Variants in CHRM5 observed in about 807,000 individuals in gnomAD.
CHRM5 encodes cholinergic receptor muscarinic 5, also known as muscarinic acetylcholine receptor M5.
CHRM5 carries 18 observed loss-of-function variants against 39.0 expected under a neutral mutation model. The ratio of observed to expected loss-of-function variants is 0.46; its 90% CI spans 0.32 to 0.68. The LOEUF (loss-of-function observed/expected upper bound fraction) is 0.68, where lower values mean the gene tolerates loss of function less well. Ranked by LOEUF, CHRM5 falls within the 30% of genes least tolerant of loss-of-function variation. The pLI is 0.04. For missense variants in CHRM5, 515 were observed against 651.1 expected (o/e 0.79, Z 2.28); for synonymous variants, 241 against 246.3 (o/e 0.98, Z 0.20).
intron 1 of CHRM5, among the ~76,000 whole-genome samples, chr15:34,018,046 T>C (rs1227523368): frequency 6.6e-6 from 1 of 152,218 alleles, no homozygotes; most frequent in Non-Finnish European, 1.5e-5. Context: ...TGATACTAAA[T>C]GGTTTATGTA....
intron 1 of CHRM5, among the ~76,000 whole-genome samples, chr15:33,974,903 T>G (rs1597295277): frequency 6.6e-6 from 1 of 151,922 alleles, no homozygotes; most frequent in South Asian, 2.1e-4. Flanking sequence ...ACCCAGGAGG[T>G]GGAGCTTGCA....
At chr15:34,038,581 A>G (rs1204848185) in intron 1 of CHRM5, among the ~76,000 whole-genome samples, 1 of 148,892 alleles carries the variant, frequency 6.7e-6, no homozygotes, top group Non-Finnish European at 1.5e-5. Context: ...GGAGGCCACG[A>G]GGGCCAAGCG....
At chr15:33,992,678 A>C (rs1896780231) in intron 1 of CHRM5, among the ~76,000 whole-genome samples, 1 of 152,040 alleles carries the variant, frequency 6.6e-6, no homozygotes, top group South Asian at 2.1e-4. Context: ...GAAAAAAATG[A>C]GCTGAATCAA....
intron 1 of CHRM5, among the ~76,000 whole-genome samples, chr15:34,019,940 T>G (rs1005462060): frequency 6.6e-6 from 1 of 152,274 alleles, no homozygotes. Context: ...GCAGTTCTTT[T>G]GTATGCAATT....
At chr15:34,031,322 A>C (rs997383358) in intron 1 of CHRM5, among the ~76,000 whole-genome samples, 10 of 151,760 alleles carry the variant, frequency 6.6e-5, no homozygotes, top group Middle Eastern at 3.4e-3. Context: ...TTACAGGCGC[A>C]TGCCACCATG....
intron 1 of CHRM5, chr15:34,039,114 G>A: frequency 9.5e-7 from 1 of 1,054,150 alleles, no homozygotes; most frequent in Non-Finnish European, 1.1e-6. Flanking sequence ...GGCCCCACCG[G>A]AAGCGGGCCG....
At chr15:33,977,394 C>T (rs189999103) in intron 1 of CHRM5, among the ~76,000 whole-genome samples, 3 of 152,166 alleles carry the variant, frequency 2.0e-5, no homozygotes, top group African/African-American at 4.8e-5. Context: ...TCATCTCCTC[C>T]TATACTCCCT....
chr15:34,021,271 TA>T (rs1898188785), intron 1 of CHRM5, among the ~76,000 whole-genome samples: 1 of 151,838 alleles, frequency 6.6e-6, no homozygotes, highest in Non-Finnish European at 1.5e-5. Context: ...CCCACTCAGC[TA>T]AAAAATATTT....
chr15:34,022,043 G>A lies in CHRM5; in HGVS notation c.-407-24497G>A, dbSNP rs114548302. 6.1e-3 allele frequency among the ~76,000 whole-genome samples: 934 copies of A among 152,172 alleles called. 4 individuals are homozygous for A. The highest frequency in any genetic ancestry group is 0.02 in the African/African-American group (810 of 41,508). On this transcript the variant is annotated intron_variant, in intron 1 of 2. Transcript: ENST00000383263. ...AAATATTTTGTAGATGGAATAAGAC[G>A]GCATTGTTTGCAATAAGGACAAGTA...
intron 1 of CHRM5, among the ~76,000 whole-genome samples, chr15:34,019,630 A>T (rs1270554779): frequency 6.6e-6 from 1 of 152,232 alleles, no homozygotes; most frequent in Non-Finnish European, 1.5e-5. Context: ...TCCTATACAC[A>T]GTAATTTTAC....
At chr15:34,055,779 C>G (rs1469177114) in intron 2 of CHRM5, among the ~76,000 whole-genome samples, 1 of 151,728 alleles carries the variant, frequency 6.6e-6, no homozygotes, top group Non-Finnish European at 1.5e-5. Context: ...CCAGCCTGGG[C>G]GACGGAGCAA....
chr15:34,045,807 G>C (rs1451329659), intron 1 of CHRM5, among the ~76,000 whole-genome samples: 2 of 152,188 alleles, frequency 1.3e-5, no homozygotes, highest in African/African-American at 4.8e-5. Flanking sequence ...TTGGTACACA[G>C]GGTTACCTTC....
chr15:33,985,009 GAACCTT>G (rs1392024675), intron 1 of CHRM5, among the ~76,000 whole-genome samples: 2 of 152,052 alleles, frequency 1.3e-5, no homozygotes, highest in Admixed American at 1.3e-4. Flanking sequence ...TTGACCAGCT[GAACCTT>G]TCCTGGGTTA....
At chr15:34,037,395 T>C (rs1597377831) in intron 1 of CHRM5, among the ~76,000 whole-genome samples, 1 of 151,718 alleles carries the variant, frequency 6.6e-6, no homozygotes, top group African/African-American at 2.4e-5. Context: ...TTGATATAAA[T>C]CCCAGCTCTG....
intron 1 of CHRM5, among the ~76,000 whole-genome samples, chr15:34,022,804 G>A (rs562348925): frequency 6.6e-6 from 1 of 152,322 alleles, no homozygotes; most frequent in African/African-American, 2.4e-5. Flanking sequence ...CTTCTGGCTG[G>A]AAGGATGAGA....
At chr15:34,025,646 T>C (rs1376854114) in intron 1 of CHRM5, among the ~76,000 whole-genome samples, 1 of 152,210 alleles carries the variant, frequency 6.6e-6, no homozygotes, top group Non-Finnish European at 1.5e-5. Flanking sequence ...TCCTTGCTTT[T>C]AGGAAATACA....
intron 2 of CHRM5, among the ~76,000 whole-genome samples, chr15:34,054,019 T>G (rs1159261154): frequency 6.6e-6 from 1 of 152,156 alleles, no homozygotes; most frequent in African/African-American, 2.4e-5. Context: ...GCAAAGAACC[T>G]GTATGAACAA....
chr15:34,040,332 C>T (rs540324178), intron 1 of CHRM5, among the ~76,000 whole-genome samples: 2 of 152,110 alleles, frequency 1.3e-5, no homozygotes, highest in South Asian at 4.2e-4. Flanking sequence ...AACGGGTTAC[C>T]CAAGGCTTCA....
At chr15:34,045,587 G>T (rs1306016157) in intron 1 of CHRM5, among the ~76,000 whole-genome samples, 1 of 152,082 alleles carries the variant, frequency 6.6e-6, no homozygotes, top group African/African-American at 2.4e-5. Flanking sequence ...ATATGAGCTG[G>T]TTATCATGAT....
Sources: allele counts gnomAD v4.1 joint callset (sites outside exome capture counted in the v4.1 genomes callset), GRCh38; gene constraint gnomAD v4.1.1; transcripts MANE v1.5; gene names NCBI Gene and HGNC (gene_info 2026-07-23, HGNC 2026-07-21).